KCNH5: variants seen among roughly 807,000 people sequenced by gnomAD.
KCNH5 encodes potassium voltage-gated channel subfamily H member 5, also known as voltage-gated delayed rectifier potassium channel KCNH5.
Under a neutral mutation model 96.1 loss-of-function variants are expected in KCNH5, and 46 were observed. The observed-to-expected ratio is 0.48, with a 90% CI of 0.38 to 0.61. The LOEUF (loss-of-function observed/expected upper bound fraction) is 0.61. Ranked by LOEUF, KCNH5 falls within the 20% of genes least tolerant of loss-of-function variation. KCNH5 has a pLI of 0.00. For missense variants in KCNH5, 907 were observed against 1,225.8 expected, an observed-to-expected ratio of 0.74 and a Z score of 3.88; for synonymous variants, 439 against 449.8, an observed-to-expected ratio of 0.98 and a Z score of 0.30.
chr14:62,845,284 A>G (rs1887668174), intron 8 of KCNH5, among the ~76,000 whole-genome samples: 1 of 152,212 alleles, frequency 6.6e-6, no homozygotes, highest in Admixed American at 6.5e-5. Flanking sequence ...GTACATACAT[A>G]ATTCTAAGAT....
chr14:62,894,178 G>C (rs144099107), intron 7 of KCNH5, among the ~76,000 whole-genome samples: 368 of 152,302 alleles, frequency 2.4e-3, no homozygotes, highest in Non-Finnish European at 2.9e-3. Flanking sequence ...AAAAAATTAT[G>C]AGAGACTCAT....
chr14:62,761,409 G>T (rs1167883024), intron 10 of KCNH5, among the ~76,000 whole-genome samples: 1 of 149,374 alleles, frequency 6.7e-6, no homozygotes, highest in African/African-American at 2.5e-5. Context: ...CAAAGCTACA[G>T]ATCAGAATCA....
At position 62,982,380 on chromosome 14, in the gene KCNH5, T is replaced by G. The variant is rs530924954; in HGVS notation, c.550-1116A>C. ...AATCAAAAACTTCTGCCCTGTGCCA[T>G]CAATGAAGCCAAAGACAATGTATGT... is the stretch of plus-strand genomic sequence containing the variant. On this transcript the variant is annotated intron_variant, in intron 5 of 10. Coordinates refer to ENST00000322893, the MANE Select transcript of KCNH5 (RefSeq NM_139318.5). Among the ~76,000 whole-genome samples the G allele has an allele frequency of 4.6e-5, 7 of 152,250 alleles. No homozygotes were observed. The East Asian group carries it at 1.3e-3, about 29-fold the overall frequency.
At chr14:62,895,119 T>C (rs543010883) in intron 7 of KCNH5, among the ~76,000 whole-genome samples, 22 of 152,326 alleles carry the variant, frequency 1.4e-4, no homozygotes, top group African/African-American at 5.1e-4. Flanking sequence ...AGTAAGCCTT[T>C]AAGCTTTGCA....
At chr14:62,978,608 A>G (rs1890547627) in intron 6 of KCNH5, among the ~76,000 whole-genome samples, 1 of 151,652 alleles carries the variant, frequency 6.6e-6, no homozygotes, top group Middle Eastern at 3.2e-3. Flanking sequence ...AAAAAGAAAG[A>G]AAATTGTATT....
chr14:62,929,098 A>C (rs539276337), intron 7 of KCNH5, among the ~76,000 whole-genome samples: 2 of 152,188 alleles, frequency 1.3e-5, no homozygotes, highest in Admixed American at 6.6e-5. Flanking sequence ...TAATTCTAGC[A>C]CATCTCTCTC....
At chr14:62,890,461 C>T (rs1351872114) in intron 7 of KCNH5, among the ~76,000 whole-genome samples, 4 of 151,032 alleles carry the variant, frequency 2.6e-5, no homozygotes, top group African/African-American at 7.3e-5. Flanking sequence ...TTTGGGAGGC[C>T]GAGGCGGGCG....
chr14:62,923,051 TATATC>T (rs1889408734), intron 7 of KCNH5, among the ~76,000 whole-genome samples: 1 of 151,874 alleles, frequency 6.6e-6, no homozygotes, highest in Non-Finnish European at 1.5e-5. Context: ...CAGAAAAACA[TATATC>T]TTATATATAG....
intron 7 of KCNH5, among the ~76,000 whole-genome samples, chr14:62,884,581 G>C (rs1264356877): frequency 6.6e-6 from 1 of 152,146 alleles, no homozygotes; most frequent in Non-Finnish European, 1.5e-5. Context: ...AGCTGAGATC[G>C]CGCCACTGCA....
chr14:62,883,878 C>T (rs1169023455), intron 7 of KCNH5, among the ~76,000 whole-genome samples: 1 of 152,042 alleles, frequency 6.6e-6, no homozygotes, highest in Non-Finnish European at 1.5e-5. Flanking sequence ...GCCACAGAGG[C>T]AAAGGTCCTT....
chr14:62,808,102 G>A (rs1886804883), intron 8 of KCNH5, among the ~76,000 whole-genome samples: 4 of 152,076 alleles, frequency 2.6e-5, no homozygotes, highest in Non-Finnish European at 5.9e-5. Context: ...AAAAGTAAAA[G>A]TCACTAAAAG....
intron 7 of KCNH5, among the ~76,000 whole-genome samples, chr14:62,890,325 C>T (rs573852522): frequency 2.2e-4 from 33 of 152,216 alleles, no homozygotes; most frequent in Admixed American, 1.9e-3. Context: ...TATTTGCAAA[C>T]TATGTATCTG....
At chr14:62,753,103 A>G (rs1885539758) in intron 10 of KCNH5, among the ~76,000 whole-genome samples, 1 of 152,236 alleles carries the variant, frequency 6.6e-6, no homozygotes. Flanking sequence ...AATTCAAGAT[A>G]ACACATAGAA....
At chr14:62,721,846 T>C in intron 10 of KCNH5, among the ~76,000 whole-genome samples, 1 of 152,124 alleles carries the variant, frequency 6.6e-6, no homozygotes, top group Non-Finnish European at 1.5e-5. Flanking sequence ...AGGTAGAAAA[T>C]ATACCAAATG....
chr14:62,837,868 C>G (rs192954719), intron 8 of KCNH5, among the ~76,000 whole-genome samples: 4 of 152,234 alleles, frequency 2.6e-5, no homozygotes, highest in African/African-American at 9.6e-5. Flanking sequence ...TACGGATGTA[C>G]TGACATTTCA....
intron 4 of KCNH5, among the ~76,000 whole-genome samples, chr14:62,990,408 T>A (rs1422737479): frequency 6.6e-6 from 1 of 152,096 alleles, no homozygotes; most frequent in East Asian, 1.9e-4. Flanking sequence ...AATTTACACA[T>A]GAAGTCAGTG....
intron 7 of KCNH5, among the ~76,000 whole-genome samples, chr14:62,881,803 G>A (rs1431460735): frequency 6.6e-6 from 1 of 152,060 alleles, no homozygotes; most frequent in African/African-American, 2.4e-5. Context: ...AAGTCACACT[G>A]CTAGTGAGTG....
intron 7 of KCNH5, among the ~76,000 whole-genome samples, chr14:62,909,344 C>A (rs1022977664): frequency 6.6e-6 from 1 of 152,118 alleles, no homozygotes; most frequent in African/African-American, 2.4e-5. Context: ...CGCGCCCGGC[C>A]TATGCTACGT....
intron 1 of KCNH5, among the ~76,000 whole-genome samples, chr14:63,039,612 T>C (rs1405906549): frequency 6.6e-6 from 1 of 152,006 alleles, no homozygotes; most frequent in Non-Finnish European, 1.5e-5. Flanking sequence ...AATGCTGAAA[T>C]TGCGTATTAC....
Sources: allele counts gnomAD v4.1 joint callset (sites outside exome capture counted in the v4.1 genomes callset), GRCh38; gene constraint gnomAD v4.1.1; transcripts MANE v1.5; gene names NCBI Gene and HGNC (gene_info 2026-07-23, HGNC 2026-07-21).